The following GHR variants were observed in gnomAD, a reference collection of about 807,000 sequenced individuals.
GHR encodes GH receptor.
GHR carries 35 observed loss-of-function variants against 67.1 expected under a neutral mutation model. The ratio of observed to expected loss-of-function variants is 0.52; its 90% CI spans 0.40 to 0.69. The LOEUF (loss-of-function observed/expected upper bound fraction) is 0.69. GHR is among the 30% of genes least tolerant of loss of function. The pLI, the probability that GHR is intolerant of heterozygous loss-of-function variation, is 0.00. For missense variants in GHR, 792 were observed against 764.6 expected (o/e 1.04, Z -0.42); for synonymous variants, 272 against 269.1 (o/e 1.01, Z -0.10).
intron 1 of GHR, among the ~76,000 whole-genome samples, chr5:42,437,868 GAA>G (rs751739180): frequency 1.7e-5 from 2 of 118,560 alleles, no homozygotes; most frequent in Non-Finnish European, 1.8e-5. Flanking sequence ...CCTGTCTTCT[GAA>G]AAAAAAAAAA....
intron 1 of GHR, among the ~76,000 whole-genome samples, chr5:42,465,180 C>T (rs1744670866): frequency 6.6e-6 from 1 of 152,102 alleles, no homozygotes; most frequent in Non-Finnish European, 1.5e-5. Context: ...GTATCTGAGT[C>T]AAGAGTTGAC....
At chr5:42,622,553 C>CT (rs1753502391) in intron 2 of GHR, among the ~76,000 whole-genome samples, 1 of 152,182 alleles carries the variant, frequency 6.6e-6, no homozygotes, top group Non-Finnish European at 1.5e-5. Flanking sequence ...GATTCAGACT[C>CT]TATCAATCTG....
At chr5:42,640,764 A>ATG (rs1328109245) in intron 3 of GHR, among the ~76,000 whole-genome samples, 4 of 132,866 alleles carry the variant, frequency 3.0e-5, no homozygotes, top group African/African-American at 1.4e-4. Context: ...TCCATATCAT[A>ATG]TATGTGTGTG....
At chr5:42,600,410 T>C (rs1752314465) in intron 2 of GHR, among the ~76,000 whole-genome samples, 1 of 152,222 alleles carries the variant, frequency 6.6e-6, no homozygotes, top group African/African-American at 2.4e-5. Flanking sequence ...AATGCCCTTT[T>C]ATATTTGTTT....
chr5:42,586,005 G>A (rs1040439772), intron 2 of GHR, among the ~76,000 whole-genome samples: 1 of 152,144 alleles, frequency 6.6e-6, no homozygotes, highest in African/African-American at 2.4e-5. Context: ...GATAACTATA[G>A]TGTCTAACAC....
In GHR at chr5:42,694,015, CCT is replaced by C. The variant is rs921074149; in HGVS notation, c.267-897_267-896del. Among the ~76,000 whole-genome samples the C allele has an allele frequency of 3.3e-5, 5 of 152,276 alleles. No individual in the cohort carries two copies. The East Asian group carries it at 7.7e-4, about 24-fold the overall frequency. ...TACTTCCTTACCTCAATCCCTTTGA[CCT>C]CTCTGTTTATTCCCTTCCTTGCCGT... is the stretch of plus-strand genomic sequence containing the variant. On this transcript the variant is annotated intron_variant, in intron 4 of 9. Transcript: ENST00000230882.
chr5:42,688,309 T>C (rs1461820795), intron 3 of GHR, among the ~76,000 whole-genome samples: 1 of 152,186 alleles, frequency 6.6e-6, no homozygotes, highest in Non-Finnish European at 1.5e-5. Flanking sequence ...CCTCAGCTCA[T>C]GTGCAGGTAC....
Position 42,719,373 on chromosome 5 carries a change from C to T in GHR, c.1866C>T (p.Leu622=), listed in dbSNP as rs772856718. Residue 622 remains leucine (L), a synonymous_variant, in exon 10 of 10, where the codon CTC becomes CTT. Transcript: ENST00000230882. ...TALPLPDKEF[L]SSCGYVSTDQ... ...TGCCCTTGCCTGACAAAGAGTTTCTCTCATCATGTGGCTATGTGAGCACAG... is the reference window on the plus strand; with the variant it reads ...TGCCCTTGCCTGACAAAGAGTTTCTTTCATCATGTGGCTATGTGAGCACAG... 12 of 1,614,046 alleles carry T rather than the reference C, an allele frequency of 7.4e-6. No homozygotes were observed. Among genetic ancestry groups the T allele is most frequent in the Non-Finnish European group, 1.0e-5 (12 of 1,179,904 alleles).
In GHR at chr5:42,627,877, C is replaced by T. The variant is rs533605567; in HGVS notation, c.71-1161C>T. 1.1e-4 allele frequency among the ~76,000 whole-genome samples: 17 copies of T among 152,338 alleles called. No individual in the cohort carries two copies. In the South Asian group the frequency reaches 3.5e-3, roughly 32 times the overall value. On this transcript the variant is annotated intron_variant, in intron 2 of 9. Transcript: ENST00000230882. ...GTGTGACAGCTTTCTGTATCCCAAG[C>T]TCTTGCCCAGTGTCCTAGAAAAAAC... is the stretch of plus-strand genomic sequence containing the variant.
intron 3 of GHR, among the ~76,000 whole-genome samples, chr5:42,677,878 A>G (rs1265675789): frequency 3.9e-5 from 6 of 152,194 alleles, no homozygotes; most frequent in Admixed American, 2.0e-4. Context: ...ACATGTTTCA[A>G]CTAGTACTAA....
chr5:42,675,778 A>G (rs1316398400), intron 3 of GHR, among the ~76,000 whole-genome samples: 3 of 152,244 alleles, frequency 2.0e-5, no homozygotes, highest in South Asian at 2.1e-4. Flanking sequence ...TGAGCTATCT[A>G]TATAGGCTGT....
chr5:42,584,516 C>T (rs895983256), intron 2 of GHR, among the ~76,000 whole-genome samples: 31 of 152,064 alleles, frequency 2.0e-4, no homozygotes, highest in Admixed American at 5.2e-4. Flanking sequence ...CTCCAAACAC[C>T]GACATAAACC....
At chr5:42,545,676 A>G (rs967031647) in intron 1 of GHR, among the ~76,000 whole-genome samples, 2 of 152,230 alleles carry the variant, frequency 1.3e-5, no homozygotes, top group East Asian at 1.9e-4. Flanking sequence ...TGTTTGTCTT[A>G]CAAATACCAT....
At position 42,424,717 on chromosome 5, in the gene GHR, C is replaced by A. The variant is rs1183562889; in HGVS notation, c.-12+762C>A. On this transcript the variant is annotated intron_variant, in intron 1 of 9. Coordinates refer to ENST00000230882, the MANE Select transcript of GHR (RefSeq NM_000163.5). The surrounding 1 kb of genome is among the most constrained non-coding windows in gnomAD (Gnocchi z 4.1). ...AGAGGCTGCGGGTCAATGGGGTGGC[C>A]GCGTGTCTAGGGAGAGGGCGCTGGC... The A allele has an allele frequency of 2.9e-5, 31 of 1,053,234 alleles. No homozygotes were observed. The highest frequency in any genetic ancestry group is 3.3e-5 in the Non-Finnish European group (23 of 706,068). The allele number at this position is 1,053,234 out of a possible 1,614,324, so 65.2% of individuals were successfully genotyped here. A position where few individuals can be genotyped will look rare whatever the true frequency, so the allele number is the denominator to read the frequency against.
At chr5:42,446,671 G>A (rs1048583601) in intron 1 of GHR, among the ~76,000 whole-genome samples, 3 of 152,208 alleles carry the variant, frequency 2.0e-5, no homozygotes, top group African/African-American at 7.2e-5. Context: ...AACCAAATGA[G>A]TAATAACATG....
chr5:42,605,929 G>A (rs973316328), intron 2 of GHR, among the ~76,000 whole-genome samples: 1 of 152,212 alleles, frequency 6.6e-6, no homozygotes, highest in African/African-American at 2.4e-5. Flanking sequence ...TCCGTCCAGG[G>A]AGAAACTGAG....
At chr5:42,533,850 C>G (rs894386964) in intron 1 of GHR, among the ~76,000 whole-genome samples, 62 of 147,468 alleles carry the variant, frequency 4.2e-4, no homozygotes, top group African/African-American at 1.5e-3. Flanking sequence ...CCCCCAAAGT[C>G]CCCAAATTCC....
chr5:42,498,527 A>G (rs1161821822), intron 1 of GHR, among the ~76,000 whole-genome samples: 2 of 152,236 alleles, frequency 1.3e-5, no homozygotes, highest in Non-Finnish European at 2.9e-5. Context: ...TCCCCATGCT[A>G]TAAGCATTAT....
At chr5:42,445,868 G>C (rs1329911474) in intron 1 of GHR, among the ~76,000 whole-genome samples, 20 of 152,178 alleles carry the variant, frequency 1.3e-4, no homozygotes, top group Admixed American at 1.3e-3. Context: ...ACATATTGAA[G>C]TGCCAGGGAA....
Sources: allele counts gnomAD v4.1 joint callset (sites outside exome capture counted in the v4.1 genomes callset), GRCh38; gene constraint gnomAD v4.1.1; non-coding constraint Gnocchi (gnomAD v3.1); transcripts MANE v1.5; gene names NCBI Gene and HGNC (gene_info 2026-07-23, HGNC 2026-07-21).